CBR4: variants seen among roughly 807,000 people sequenced by gnomAD.
The protein encoded by CBR4 is 3-oxoacyl-[acyl-carrier-protein] reductase.
A neutral mutation model predicts 21.0 loss-of-function variants in CBR4; 22 were observed. The ratio of observed to expected loss-of-function variants is 1.05; its 90% CI spans 0.75 to 1.50. The LOEUF is 1.50. Among genes scored for constraint, CBR4 ranks in the 40% most tolerant of loss-of-function variants. The pLI is 0.00. For missense variants in CBR4, 302 were observed against 286.3 expected (o/e 1.05, Z -0.40); for synonymous variants, 100 against 104.4 (o/e 0.96, Z 0.26).
chr4:168,917,071 C>T (rs1253725073), intron 2 of CBR4, among the ~76,000 whole-genome samples: 1 of 131,544 alleles, frequency 7.6e-6, no homozygotes, highest in Non-Finnish European at 1.6e-5. Flanking sequence ...TTTTTTGAGA[C>T]GGAGTCTCCC....
At position 168,921,634 on chromosome 4, in the gene CBR4, A is replaced by G. The variant is rs754402562; in HGVS notation, n.170-26869T>C. On this transcript the variant is annotated intron_variant and non_coding_transcript_variant, in intron 2 of 3. Transcript: ENST00000509108. ...ATGCTGGTGCGTGAGAACGGGGTGC[A>G]CTCTCTGATCATAGAGCCAGTCACG... The G allele has an allele frequency of 3.1e-6, 5 of 1,610,922 alleles. No individual in the cohort carries two copies. In the South Asian group the frequency reaches 4.4e-5, roughly 14 times the overall value.
At chr4:168,914,471 A>C (rs1382512465) in intron 2 of CBR4, among the ~76,000 whole-genome samples, 1 of 152,218 alleles carries the variant, frequency 6.6e-6, no homozygotes, top group Non-Finnish European at 1.5e-5. Context: ...AGTTCAAAAC[A>C]TAAGACCATT....
chr4:168,995,549 T>C (rs1398794016), intron 4 of CBR4, among the ~76,000 whole-genome samples: 1 of 152,052 alleles, frequency 6.6e-6, no homozygotes, highest in African/African-American at 2.4e-5. Flanking sequence ...TTCTTTCTGC[T>C]TGTATTACTT....
At chr4:168,896,566 T>G in intron 2 of CBR4, 1 of 1,514,578 alleles carries the variant, frequency 6.6e-7, no homozygotes, top group Non-Finnish European at 8.9e-7. Flanking sequence ...GTTCTCCTCA[T>G]GCTTCTGTAG....
chr4:168,909,878 A>C (rs956647177), intron 2 of CBR4, among the ~76,000 whole-genome samples: 1 of 152,170 alleles, frequency 6.6e-6, no homozygotes, highest in Non-Finnish European at 1.5e-5. Flanking sequence ...TTTTTCCCCC[A>C]AACAAAAATG....
intron 2 of CBR4, chr4:168,927,525 T>C (rs1252152845): frequency 4.3e-6 from 1 of 231,604 alleles, no homozygotes; most frequent in African/African-American, 2.2e-5. Flanking sequence ...AGAAATTGCC[T>C]GTAGCATCTA....
At chr4:168,936,963 C>A (rs1763129935) in intron 2 of CBR4, among the ~76,000 whole-genome samples, 1 of 152,096 alleles carries the variant, frequency 6.6e-6, no homozygotes, top group South Asian at 2.1e-4. Flanking sequence ...AGAAGAGCAA[C>A]CCCAAGATTC....
At chr4:169,009,513 C>T (rs1003975308) in intron 1 of CBR4, among the ~76,000 whole-genome samples, 3 of 152,240 alleles carry the variant, frequency 2.0e-5, no homozygotes, top group Non-Finnish European at 4.4e-5. Context: ...GGTACCTGCA[C>T]TCCCACCTTT....
At chr4:168,921,871 C>A in intron 2 of CBR4, 1 of 774,778 alleles carries the variant, frequency 1.3e-6, no homozygotes, top group Non-Finnish European at 2.2e-6. Context: ...ATCAAAATAG[C>A]CAATGAGGAC....
chr4:169,007,597 A>AAT (rs778186954), intron 2 of CBR4, 39 bp downstream of exon 2: 15 of 1,309,322 alleles, frequency 1.1e-5, no homozygotes, highest in South Asian at 1.7e-5. Context: ...AAAAGTTTTA[A>AAT]ATATATATAT....
chr4:168,954,805 G>A (rs970694387), intron 2 of CBR4, among the ~76,000 whole-genome samples: 4 of 152,062 alleles, frequency 2.6e-5, no homozygotes, highest in Non-Finnish European at 5.9e-5. Context: ...AGATGATACC[G>A]CCCCTAAACA....
In CBR4 at chr4:168,917,955, C is replaced by A. The variant is rs7667397; in HGVS notation, n.170-23190G>T. 2.8e-3 allele frequency among the ~76,000 whole-genome samples: 421 copies of A among 152,190 alleles called. 1 individual carries two copies. Among genetic ancestry groups the A allele is most frequent in the African/African-American group, 9.3e-3 (388 of 41,526 alleles). On this transcript the variant is annotated intron_variant and non_coding_transcript_variant, in intron 2 of 3. Coordinates refer to the CBR4 transcript ENST00000509108. ...GTGGCACACGCCTGTAATCCCAGCACTTTGGGAGGCTGAGGCGGGCGGATC... is the reference window on the plus strand; with the variant it reads ...GTGGCACACGCCTGTAATCCCAGCAATTTGGGAGGCTGAGGCGGGCGGATC...
At chr4:169,005,741 TTAAGAG>T in intron 3 of CBR4, 1 of 476,868 alleles carries the variant, frequency 2.1e-6, no homozygotes, top group Non-Finnish European at 3.5e-6. Flanking sequence ...CCTTAAATTT[TTAAGAG>T]TAAATGTCCA....
chr4:169,007,787 A>T, intron 1 of CBR4, 31 bp from the exon 2 acceptor site: 1 of 1,512,170 alleles, frequency 6.6e-7, no homozygotes, highest in South Asian at 1.2e-5. Context: ...AGAATTACTT[A>T]TAACTCAAAT....
rs769542367 is a variant in CBR4 at position 169,007,757 on chromosome 4, C to G, written c.143-1G>C. 2.3e-5 allele frequency: 36 copies of G among 1,569,710 alleles called. No homozygotes were observed. Among genetic ancestry groups the G allele is most frequent in the Non-Finnish European group, 2.8e-5 (33 of 1,162,066 alleles). On this transcript the variant is annotated splice_acceptor_variant, in intron 1 of 4. Coordinates refer to ENST00000306193, the MANE Select transcript of CBR4 (RefSeq NM_032783.5). LOFTEE classifies it high-confidence loss of function. ...TCACAGCTAAATGCCAAATGATCTC[C>G]TACACAACAAAGTTAAATAAGAATT...
At chr4:168,897,051 G>A (rs1299970885) in intron 2 of CBR4, among the ~76,000 whole-genome samples, 1 of 152,078 alleles carries the variant, frequency 6.6e-6, no homozygotes, top group African/African-American at 2.4e-5. Flanking sequence ...GGCTGGTCTC[G>A]AACTTCTGAC....
chr4:168,979,564 C>A (rs920191523), intron 2 of CBR4, among the ~76,000 whole-genome samples: 1 of 151,902 alleles, frequency 6.6e-6, no homozygotes, highest in African/African-American at 2.4e-5. Flanking sequence ...GGGGCTTCAG[C>A]GGTACGGCCC....
At chr4:168,931,215 C>T (rs1209707898) in intron 2 of CBR4, among the ~76,000 whole-genome samples, 1 of 152,250 alleles carries the variant, frequency 6.6e-6, no homozygotes, top group African/African-American at 2.4e-5. Context: ...AGCTGCTAAG[C>T]ACCTGACATG....
chr4:168,920,997 C>T (rs557911136), intron 2 of CBR4, among the ~76,000 whole-genome samples: 3 of 152,248 alleles, frequency 2.0e-5, no homozygotes, highest in South Asian at 4.1e-4. Flanking sequence ...AATCCCATCT[C>T]GGTCTTCTCT....
Sources: gnomAD v4.1 joint callset for allele counts (sites outside exome capture counted in the v4.1 genomes callset) on GRCh38, gnomAD v4.1.1 for gene constraint, MANE v1.5 for transcripts, NCBI Gene and HGNC (gene_info 2026-07-23, HGNC 2026-07-21) for gene names.